Variants in ABCA8 observed in about 807,000 individuals in gnomAD.
The protein encoded by ABCA8 is ATP binding cassette subfamily A member 8, also known as ABC-type organic anion transporter ABCA8.
Under a neutral mutation model 192.3 loss-of-function variants are expected in ABCA8, and 177 were observed. That is an observed-to-expected ratio of 0.92 (90% CI 0.81 to 1.04). The LOEUF (loss-of-function observed/expected upper bound fraction) is 1.04, where lower values mean the gene tolerates loss of function less well. ABCA8 is among the 50% of genes least tolerant of loss of function. The probability of loss-of-function intolerance (pLI) is 0.00; values close to 1 mark genes in which losing one functional copy is unlikely to be tolerated. For synonymous variants in ABCA8, 642 were observed against 690.2 expected (o/e 0.93, Z 1.09); for missense variants, 1,915 against 1,904.8 (o/e 1.01, Z -0.10).
rs1262989162 is a variant in ABCA8, at chr17:68,918,139, C to T, written c.1955G>A (p.Arg652Lys). ...EPTAGLDPFS[R>K]HQVWNLLKER... Reference sequence around the variant, plus strand: ...TTTCAGAAGGTTCCATACTTGGTGTCTTGAAAAGGGATCCAATCCAGCAGT... The same window carrying T: ...TTTCAGAAGGTTCCATACTTGGTGTTTTGAAAAGGGATCCAATCCAGCAGT... Residue 652 changes from arginine to lysine, a missense_variant, in exon 16 of 40, where the codon AGA becomes AAA. By Grantham distance (26) the Arg-to-Lys change is conservative. Coordinates refer to ENST00000586539, the MANE Select transcript of ABCA8 (RefSeq NM_001288985.2). 6.2e-7 allele frequency: 1 copy of T among 1,614,110 alleles called. No individual in the cohort carries two copies. Among genetic ancestry groups the T allele is most frequent in the Non-Finnish European group, 8.5e-7 (1 of 1,180,014 alleles).
chr17:68,928,483 T>C (rs1283524643), intron 9 of ABCA8, among the ~76,000 whole-genome samples: 2 of 152,212 alleles, frequency 1.3e-5, no homozygotes, highest in East Asian at 1.9e-4. Context: ...GGCTTGTCTA[T>C]GATGTTCAAG....
chr17:68,895,106 G>A lies in ABCA8; in HGVS notation c.2765-93C>T, dbSNP rs2066713439. On this transcript the variant is annotated intron_variant, in intron 21 of 39. Coordinates refer to ENST00000586539, the MANE Select transcript of ABCA8 (RefSeq NM_001288985.2). The stretch of plus-strand genomic sequence containing the variant: ...ATTACAGTTAATGTCATTATGTGAA[G>A]CAGTAATATGGACTGTCAGGATATT... The A allele has an allele frequency of 3.8e-6, 4 of 1,057,520 alleles. No individual in the cohort carries two copies. In the East Asian group the frequency reaches 1.1e-4, roughly 28 times the overall value. The allele number at this position is 1,057,520 out of a possible 1,614,324, so 65.5% of individuals were successfully genotyped here. A position where few individuals can be genotyped will look rare whatever the true frequency, so the allele number is the denominator to read the frequency against.
chr17:68,870,180 T>C (rs1428293392), intron 37 of ABCA8, among the ~76,000 whole-genome samples: 3 of 152,206 alleles, frequency 2.0e-5, no homozygotes, highest in Non-Finnish European at 4.4e-5. Flanking sequence ...AAAAACTCCA[T>C]AACCTGACCC....
rs773684767 is a variant in ABCA8 at position 68,949,436 on chromosome 17, T to G, written c.-130A>C. On this transcript the variant is annotated 5_prime_UTR_variant, in exon 2 of 40. It removes the in-frame stop codon of an upstream open reading frame in the 5' UTR. Transcript: ENST00000586539. ...CGAAAAAGAGGGACTCCTCTCTAAC[T>G]CACATTATGAGGCCAACATCATCCT... 1.3e-5 allele frequency: 2 copies of G among 152,120 alleles called. No individual in the cohort carries two copies. Among genetic ancestry groups the G allele is most frequent in the Non-Finnish European group, 2.9e-5 (2 of 68,032 alleles). The allele number at this position is 152,120 out of a possible 1,614,324, so 9.4% of individuals were successfully genotyped here. A position where few individuals can be genotyped will look rare whatever the true frequency, so the allele number is the denominator to read the frequency against.
intron 32 of ABCA8, chr17:68,878,530 C>T (rs959626055): frequency 3.9e-5 from 6 of 152,148 alleles, no homozygotes; most frequent in Non-Finnish European, 7.3e-5. Flanking sequence ...CAGGAGAATG[C>T]ATGGATTAAA....
rs750233259 is a variant in ABCA8 at position 68,894,172 on chromosome 17, C to T, written c.3036+1G>A. 6.2e-7 allele frequency: 1 copy of T among 1,612,764 alleles called. No individual in the cohort carries two copies. Among genetic ancestry groups the T allele is most frequent in the Non-Finnish European group, 8.5e-7 (1 of 1,179,330 alleles). On this transcript the variant is annotated splice_donor_variant, in intron 23 of 39. Coordinates refer to ENST00000586539, the MANE Select transcript of ABCA8 (RefSeq NM_001288985.2). LOFTEE classifies it high-confidence loss of function. ...GGAATTGTAAGATTATATATATTTA[C>T]CTCCAAAAATGTACTTCTTTCAGTT...
At chr17:68,875,904 G>A (rs1442955396) in intron 35 of ABCA8, among the ~76,000 whole-genome samples, 171 bp from the exon 36 acceptor site, 1 of 152,232 alleles carries the variant, frequency 6.6e-6, no homozygotes, top group Non-Finnish European at 1.5e-5. Context: ...CTAGGTGAGA[G>A]CTGTTAAACT....
rs189814777 is a variant in ABCA8 at position 68,905,115 on chromosome 17, C to T, written c.2398+929G>A. Among the ~76,000 whole-genome samples, 46 of 152,300 alleles carry T rather than the reference C, an allele frequency of 3.0e-4. 1 individual carries two copies. The highest frequency in any genetic ancestry group is 9.4e-4 in the African/African-American group (39 of 41,568). ...CAAAAGCCCAGGCACTTGCCAAATACAAATTAGATCAGTTCTGCCATCCAC... is the reference window on the plus strand; with the variant it reads ...CAAAAGCCCAGGCACTTGCCAAATATAAATTAGATCAGTTCTGCCATCCAC... On this transcript the variant is annotated intron_variant, in intron 19 of 39. Transcript: ENST00000586539.
chr17:68,882,447 T>G (rs2143298111), intron 30 of ABCA8, 152 bp downstream of exon 30: 1 of 610,308 alleles, frequency 1.6e-6, no homozygotes, highest in East Asian at 2.9e-5. Flanking sequence ...ACAAAAGAGT[T>G]AACATGACTT....
rs557465970 is a variant in ABCA8, at chr17:68,898,391, A to G, written c.2765-3378T>C. On this transcript the variant is annotated intron_variant, in intron 21 of 39. Transcript: ENST00000586539. ...AAATAATAAAGAATAAAAAATGATG[A>G]AGGTAGAATAGAACTTTTTTCCAAG... is the stretch of plus-strand genomic sequence containing the variant. 2.6e-5 allele frequency among the ~76,000 whole-genome samples: 4 copies of G among 152,260 alleles called. No homozygotes were observed. In the South Asian group the frequency reaches 8.3e-4, roughly 32 times the overall value.
intron 24 of ABCA8, among the ~76,000 whole-genome samples, chr17:68,890,426 A>G (rs1460530437): frequency 6.6e-6 from 1 of 152,202 alleles, no homozygotes; most frequent in Non-Finnish European, 1.5e-5. Flanking sequence ...AGTTCTTTAC[A>G]TATTTTTGAT....
At position 68,923,205 on chromosome 17, in the gene ABCA8, TA is replaced by T. The variant is rs201317583; in HGVS notation, c.1443-906del. On this transcript the variant is annotated intron_variant, in intron 11 of 39. Transcript: ENST00000586539. Reference sequence around the variant, plus strand: ...TTTAATTAGATATTATTATTATTATTATTTTTTTTTTTGAGAGAGAGTCTTG... The same window carrying T: ...TTTAATTAGATATTATTATTATTATTTTTTTTTTTTTGAGAGAGAGTCTTG... Among the ~76,000 whole-genome samples the T allele has an allele frequency of 1.3e-3, 140 of 105,650 alleles. 1 individual carries two copies. Among genetic ancestry groups the T allele is most frequent in the African/African-American group, 2.9e-3 (102 of 35,454 alleles). 69.3% of individuals were successfully genotyped at this position (105,650 alleles called of 152,430 possible).
chr17:68,942,790 G>A (rs896707234), intron 2 of ABCA8, among the ~76,000 whole-genome samples: 4 of 152,082 alleles, frequency 2.6e-5, no homozygotes, highest in Admixed American at 2.6e-4. Context: ...GCCCTCTTGA[G>A]CTCTCAGTCC....
chr17:68,907,777 A>C lies in ABCA8; in HGVS notation c.2241T>G (p.Ile747Met). 1 of 1,608,470 alleles carries C rather than the reference A, an allele frequency of 6.2e-7. No homozygotes were observed. Among genetic ancestry groups the C allele is most frequent in the Non-Finnish European group, 8.5e-7 (1 of 1,177,684 alleles). Reference sequence around the variant, plus strand: ...TTGTTCTTTCTAAGGGTAATGTATAAATAAGTTTTCCTTCGCTTTTGGCTG... The same window carrying C: ...TTGTTCTTTCTAAGGGTAATGTATACATAAGTTTTCCTTCGCTTTTGGCTG... ...KLSAKSEGKL[I>M]YTLPLERTNK... The change falls in exon 18 of 40, where the codon ATT becomes ATG. Residue 747 changes from isoleucine to methionine, a missense_variant. Ile to Met is a conservative substitution (Grantham distance 10, BLOSUM62 1). Transcript: ENST00000586539.
intron 32 of ABCA8, chr17:68,878,362 G>A (rs2066258526): frequency 6.6e-6 from 1 of 152,300 alleles, no homozygotes; most frequent in Non-Finnish European, 1.5e-5. Flanking sequence ...CGAGACCAAA[G>A]CCCTGTGTGG....
At chr17:68,922,131 A>G (rs1467126718) in intron 12 of ABCA8, 111 bp downstream of exon 12, 1 of 787,160 alleles carries the variant, frequency 1.3e-6, no homozygotes, top group Non-Finnish European at 1.8e-6. Context: ...AATCACCGAA[A>G]GCAAAACTGA....
chr17:68,939,398 A>C (rs2068162686), intron 4 of ABCA8, among the ~76,000 whole-genome samples: 1 of 151,978 alleles, frequency 6.6e-6, no homozygotes, highest in Non-Finnish European at 1.5e-5. Context: ...GAACTCAACA[A>C]GTGGGCAATG....
At chr17:68,943,722 A>G (rs2068298064) in intron 2 of ABCA8, among the ~76,000 whole-genome samples, 1 of 152,222 alleles carries the variant, frequency 6.6e-6, no homozygotes. Context: ...CATGGCTACT[A>G]TAAAAGCAGG....
At chr17:68,877,461 C>A in intron 33 of ABCA8, 58 bp downstream of exon 33, 1 of 1,486,292 alleles carries the variant, frequency 6.7e-7, no homozygotes, top group Non-Finnish European at 9.0e-7. Context: ...AGGGTCATCA[C>A]TCTCAACCTC....
Sources: gnomAD v4.1 joint callset for allele counts (sites outside exome capture counted in the v4.1 genomes callset) on GRCh38, gnomAD v4.1.1 for gene constraint, MANE v1.5 for transcripts, NCBI Gene and HGNC (gene_info 2026-07-23, HGNC 2026-07-21) for gene names.